Variants in HYAL4 observed in about 807,000 individuals in gnomAD.
HYAL4 encodes hyaluronidase 4.
HYAL4 carries 37 observed loss-of-function variants against 35.2 expected under a neutral mutation model. The observed-to-expected ratio is 1.05, with a 90% confidence interval of 0.81 to 1.38. The LOEUF (loss-of-function observed/expected upper bound fraction) is 1.38, where lower values mean the gene tolerates loss of function less well. Ranked by LOEUF, HYAL4 falls within the 40% of genes most tolerant of loss-of-function variation. The pLI is 0.00. For synonymous variants in HYAL4, 198 were observed against 203.2 expected (o/e 0.97, Z 0.22); for missense variants, 572 against 572.4 (o/e 1.00, Z 0.01).
At chr7:123,876,669 A>G (rs1245464332) in intron 4 of HYAL4, 85 bp from the exon 5 acceptor site, 42 of 1,350,530 alleles carry the variant, frequency 3.1e-5, no homozygotes, top group Non-Finnish European at 4.2e-5. Context: ...TTCTATCAGT[A>G]CCAGCGAGAA....
At chr7:123,793,353 C>T in the HYAL4 span, among the ~76,000 whole-genome samples, 1 of 152,200 alleles carries the variant, frequency 6.6e-6, no homozygotes. Context: ...AACTGTTTTA[C>T]AGTGATAAAA....
chr7:123,772,274 C>G, the HYAL4 span, among the ~76,000 whole-genome samples: 3 of 152,138 alleles, frequency 2.0e-5, no homozygotes, highest in East Asian at 5.8e-4. Flanking sequence ...GACTTATATA[C>G]TTGGATTTGG....
chr7:123,774,300 A>G, the HYAL4 span, among the ~76,000 whole-genome samples: 4 of 152,128 alleles, frequency 2.6e-5, no homozygotes, highest in Admixed American at 2.0e-4. Flanking sequence ...CGGCCTCCCA[A>G]AGTGCTGGGA....
At chr7:123,782,590 C>T in the HYAL4 span, among the ~76,000 whole-genome samples, 1 of 151,880 alleles carries the variant, frequency 6.6e-6, no homozygotes, top group African/African-American at 2.4e-5. Flanking sequence ...CCAGTTTACA[C>T]CTGTTGTCCT....
At chr7:123,810,802 T>C in the HYAL4 span, among the ~76,000 whole-genome samples, 1 of 152,186 alleles carries the variant, frequency 6.6e-6, no homozygotes, top group Non-Finnish European at 1.5e-5. Flanking sequence ...GCTCTCCAAA[T>C]CCACTGTGTT....
chr7:123,830,273 CTAAAA>C (rs1271379015), intron 1 of HYAL4, among the ~76,000 whole-genome samples: 1 of 151,924 alleles, frequency 6.6e-6, no homozygotes, highest in Non-Finnish European at 1.5e-5. Context: ...ACATTTTTTT[CTAAAA>C]TAAAAAATCA....
the HYAL4 span, among the ~76,000 whole-genome samples, chr7:123,800,155 T>A: frequency 4.8e-5 from 7 of 145,742 alleles, no homozygotes; most frequent in Non-Finnish European, 1.1e-4. Context: ...AAAGAAAGAC[T>A]CTGTGTCAAT....
the HYAL4 span, among the ~76,000 whole-genome samples, chr7:123,764,411 T>C: frequency 6.6e-6 from 1 of 152,244 alleles, no homozygotes; most frequent in Non-Finnish European, 1.5e-5. Flanking sequence ...ATTGAACTTA[T>C]TTGTACTTAT....
chr7:123,825,644 C>T (rs1210095050), upstream of HYAL4, among the ~76,000 whole-genome samples: 1 of 152,008 alleles, frequency 6.6e-6, no homozygotes, highest in African/African-American at 2.4e-5. Flanking sequence ...TCAACCATGT[C>T]ACAAAGGGTG....
chr7:123,847,650 C>T (rs1250324360), intron 1 of HYAL4, among the ~76,000 whole-genome samples: 4 of 152,052 alleles, frequency 2.6e-5, no homozygotes, highest in Admixed American at 1.3e-4. Context: ...TGGTGGCATA[C>T]GCCTGTAGTC....
chr7:123,852,290 G>A (rs1806322667), intron 2 of HYAL4, among the ~76,000 whole-genome samples: 2 of 152,196 alleles, frequency 1.3e-5, no homozygotes, highest in Non-Finnish European at 2.9e-5. Flanking sequence ...TGCTTTTGGT[G>A]TTTCAGCCAT....
chr7:123,793,893 C>T, the HYAL4 span, among the ~76,000 whole-genome samples: 1 of 152,028 alleles, frequency 6.6e-6, no homozygotes, highest in Non-Finnish European at 1.5e-5. Context: ...GAGGTTGGAA[C>T]CATTTGGAGG....
chr7:123,815,495 C>G, the HYAL4 span, among the ~76,000 whole-genome samples: 2 of 152,106 alleles, frequency 1.3e-5, no homozygotes, highest in African/African-American at 2.4e-5. Flanking sequence ...AAAAAAATTA[C>G]ATAGGTTCTC....
chr7:123,787,312 A>G, the HYAL4 span, among the ~76,000 whole-genome samples: 1 of 147,610 alleles, frequency 6.8e-6, no homozygotes, highest in African/African-American at 2.5e-5. Context: ...TACATTTTAA[A>G]TTTTTTTTTT....
chr7:123,809,908 A>G, the HYAL4 span, among the ~76,000 whole-genome samples: 1 of 152,204 alleles, frequency 6.6e-6, no homozygotes, highest in Non-Finnish European at 1.5e-5. Flanking sequence ...ATGCCATCAG[A>G]TCAAACTGAA....
chr7:123,824,451 A>G (rs1184339878), upstream of HYAL4, among the ~76,000 whole-genome samples: 1 of 152,136 alleles, frequency 6.6e-6, no homozygotes, highest in Non-Finnish European at 1.5e-5. Flanking sequence ...GTTTAATGAC[A>G]TTAGTAATTA....
At chr7:123,820,381 C>T in the HYAL4 span, among the ~76,000 whole-genome samples, 1 of 151,744 alleles carries the variant, frequency 6.6e-6, no homozygotes, top group Non-Finnish European at 1.5e-5. Flanking sequence ...GTCAGGAGTT[C>T]GAGACCAGCC....
At chr7:123,831,858 A>T (rs1805887861) in intron 1 of HYAL4, among the ~76,000 whole-genome samples, 1 of 152,228 alleles carries the variant, frequency 6.6e-6, no homozygotes, top group African/African-American at 2.4e-5. Context: ...AGTAGAAACC[A>T]GGCAGGTTAG....
At chr7:123,796,411 ATTAT>A in the HYAL4 span, among the ~76,000 whole-genome samples, 1 of 152,350 alleles carries the variant, frequency 6.6e-6, no homozygotes, top group Admixed American at 6.5e-5. Context: ...TCAAGTTGTA[ATTAT>A]TTAATCTTTA....
Sources: allele counts gnomAD v4.1 joint callset (sites outside exome capture counted in the v4.1 genomes callset), GRCh38; gene constraint gnomAD v4.1.1; transcripts MANE v1.5; gene names NCBI Gene and HGNC (gene_info 2026-07-23, HGNC 2026-07-21).